Variants in SLC9A9 observed in about 807,000 individuals in gnomAD.
SLC9A9 encodes sodium/hydrogen exchanger 9.
SLC9A9 carries 62 observed loss-of-function variants against 77.8 expected under a neutral mutation model. The ratio of observed to expected loss-of-function variants is 0.80; its 90% CI spans 0.65 to 0.98. The LOEUF is 0.98. Among genes scored for constraint, SLC9A9 ranks in the 50% least tolerant of loss-of-function variants. The pLI is 0.00. For synonymous variants in SLC9A9, 320 were observed against 283.5 expected (o/e 1.13, Z -1.29); for missense variants, 775 against 774.9 (o/e 1.00, Z 0.00).
intron 6 of SLC9A9, among the ~76,000 whole-genome samples, chr3:143,596,252 T>C (rs946652579): frequency 6.6e-6 from 1 of 152,202 alleles, no homozygotes; most frequent in African/African-American, 2.4e-5. Flanking sequence ...TTGTGAGAGA[T>C]AAAGCAGATA....
At chr3:143,544,257 C>T (rs1022791314) in intron 9 of SLC9A9, among the ~76,000 whole-genome samples, 12 of 152,194 alleles carry the variant, frequency 7.9e-5, no homozygotes, top group South Asian at 6.2e-4. Context: ...GACGGAGGCT[C>T]GCTCTGTCGC....
At chr3:143,713,196 G>A (rs1362787903) in intron 4 of SLC9A9, among the ~76,000 whole-genome samples, 1 of 152,236 alleles carries the variant, frequency 6.6e-6, no homozygotes, top group African/African-American at 2.4e-5. Flanking sequence ...GTGGTAGGAT[G>A]GAGGGAAGAG....
intron 5 of SLC9A9, among the ~76,000 whole-genome samples, chr3:143,672,655 C>T (rs920029753): frequency 3.3e-5 from 5 of 152,266 alleles, no homozygotes; most frequent in Admixed American, 3.3e-4. Flanking sequence ...GTCTGTTAAT[C>T]AGCCATCTTC....
intron 7 of SLC9A9, among the ~76,000 whole-genome samples, chr3:143,575,168 G>A (rs2037337064): frequency 6.6e-6 from 1 of 152,192 alleles, no homozygotes; most frequent in South Asian, 2.1e-4. Flanking sequence ...TATTCTACAT[G>A]AATTGACAAT....
At chr3:143,450,099 TA>T (rs1177447144) in intron 12 of SLC9A9, among the ~76,000 whole-genome samples, 1 of 118,260 alleles carries the variant, frequency 8.5e-6, no homozygotes, top group East Asian at 2.3e-4. Context: ...AATACATATA[TA>T]ATATACATAT....
In SLC9A9 at chr3:143,771,423, T is replaced by G. The variant is rs185866727; in HGVS notation, c.533+23578A>C. ...TAACCGAAGAAGGAAGGTGATGGAG[T>G]GCTTAGATTAGATGAAGCCTGCCTT... On this transcript the variant is annotated intron_variant, in intron 4 of 15. Transcript: ENST00000316549. 3.0e-3 allele frequency among the ~76,000 whole-genome samples: 453 copies of G among 152,218 alleles called. 3 individuals are homozygous for G. Among genetic ancestry groups the G allele is most frequent in the South Asian group, 0.026 (125 of 4,824 alleles).
intron 4 of SLC9A9, among the ~76,000 whole-genome samples, chr3:143,750,192 T>C (rs2006661732): frequency 6.6e-6 from 1 of 152,200 alleles, no homozygotes; most frequent in Admixed American, 6.5e-5. Flanking sequence ...AGGAAGACAA[T>C]GCACCAAAAG....
intron 4 of SLC9A9, among the ~76,000 whole-genome samples, chr3:143,754,356 T>C (rs1342984410): frequency 6.6e-6 from 1 of 152,240 alleles, no homozygotes; most frequent in Admixed American, 6.5e-5. Context: ...GTCAGGTCTA[T>C]GGCTGGGAAG....
At chr3:143,448,345 G>A (rs1218866384) in intron 12 of SLC9A9, among the ~76,000 whole-genome samples, 1 of 152,120 alleles carries the variant, frequency 6.6e-6, no homozygotes, top group Non-Finnish European at 1.5e-5. Flanking sequence ...CGAATACTGA[G>A]TCTGGAAAGA....
chr3:143,832,301 C>T, intron 1 of SLC9A9, 80 bp from the exon 2 acceptor site: 1 of 1,249,868 alleles, frequency 8.0e-7, no homozygotes, highest in Non-Finnish European at 1.1e-6. Flanking sequence ...TGATTTGGAA[C>T]CTTCAGAAGT....
chr3:143,561,471 A>G (rs536819645), intron 8 of SLC9A9, among the ~76,000 whole-genome samples: 1 of 152,322 alleles, frequency 6.6e-6, no homozygotes, highest in Admixed American at 6.5e-5. Flanking sequence ...GTAGCCAAAA[A>G]GAATATATGA....
chr3:143,372,663 A>G (rs986081277), intron 13 of SLC9A9, among the ~76,000 whole-genome samples: 5 of 152,142 alleles, frequency 3.3e-5, no homozygotes, highest in Non-Finnish European at 5.9e-5. Flanking sequence ...ATAAATTATC[A>G]ATAGAGCAAA....
chr3:143,329,417 G>T (rs1354364619), intron 14 of SLC9A9, among the ~76,000 whole-genome samples: 1 of 152,178 alleles, frequency 6.6e-6, no homozygotes, highest in African/African-American at 2.4e-5. Flanking sequence ...CTTTGCATTG[G>T]CAGCATCAGA....
intron 1 of SLC9A9, 78 bp downstream of exon 1, chr3:143,848,070 A>G: frequency 3.8e-6 from 5 of 1,324,208 alleles, no homozygotes; most frequent in Non-Finnish European, 5.5e-6. Context: ...CAGTTTCGGT[A>G]CTTTGCTATC....
chr3:143,556,744 C>G (rs974459793), intron 8 of SLC9A9, among the ~76,000 whole-genome samples: 1 of 152,180 alleles, frequency 6.6e-6, no homozygotes, highest in Non-Finnish European at 1.5e-5. Flanking sequence ...ATAGCCAGAT[C>G]GTTTTCTTTT....
intron 2 of SLC9A9, among the ~76,000 whole-genome samples, chr3:143,800,523 G>A (rs146819511): frequency 0.01 from 1,546 of 152,182 alleles, 27 homozygotes; most frequent in African/African-American, 0.035. Context: ...TCACTGTTCC[G>A]TTTTTGATCT....
chr3:143,442,702 G>A (rs2034767405), intron 12 of SLC9A9, among the ~76,000 whole-genome samples: 2 of 152,240 alleles, frequency 1.3e-5, no homozygotes, highest in South Asian at 4.1e-4. Context: ...TCCAGCCTGG[G>A]TGACAGAGTG....
intron 2 of SLC9A9, among the ~76,000 whole-genome samples, chr3:143,803,927 CA>C: frequency 6.6e-6 from 1 of 152,146 alleles, no homozygotes; most frequent in Non-Finnish European, 1.5e-5. Context: ...AAGACCTCCC[CA>C]GACATTTCAC....
chr3:143,846,782 A>G (rs1184848713), intron 1 of SLC9A9, among the ~76,000 whole-genome samples: 1 of 148,852 alleles, frequency 6.7e-6, no homozygotes, highest in Non-Finnish European at 1.5e-5. Context: ...TTTTAATTAT[A>G]CTTTAAGTTT....
Sources: gnomAD v4.1 joint callset for allele counts (sites outside exome capture counted in the v4.1 genomes callset) on GRCh38, gnomAD v4.1.1 for gene constraint, MANE v1.5 for transcripts, NCBI Gene and HGNC (gene_info 2026-07-23, HGNC 2026-07-21) for gene names.